RAF1: variants seen among roughly 807,000 people sequenced by gnomAD.
RAF1 encodes the protein RAF proto-oncogene serine/threonine-protein kinase.
RAF1 carries 27 observed loss-of-function variants against 81.1 expected under a neutral mutation model. That is an observed-to-expected ratio of 0.33 (90% confidence interval 0.25 to 0.46). The LOEUF (loss-of-function observed/expected upper bound fraction) is 0.46. Among genes scored for constraint, RAF1 ranks in the 20% least tolerant of loss-of-function variants. The probability of loss-of-function intolerance (pLI) is 1.00; values close to 1 mark genes in which losing one functional copy is unlikely to be tolerated. For synonymous variants in RAF1, 298 were observed against 294.0 expected (o/e 1.01, Z -0.14); for missense variants, 598 against 826.0 (o/e 0.72, Z 3.38).
At chr3:12,608,054 TAAGTG>T (rs2059096404) in intron 5 of RAF1, among the ~76,000 whole-genome samples, 1 of 151,020 alleles carries the variant, frequency 6.6e-6, no homozygotes, top group South Asian at 2.1e-4. Flanking sequence ...AATCAATACG[TAAGTG>T]ACCATGAAAG....
intron 1 of RAF1, among the ~76,000 whole-genome samples, chr3:12,658,932 G>A (rs1166193119): frequency 6.6e-6 from 1 of 152,164 alleles, no homozygotes; most frequent in African/African-American, 2.4e-5. Context: ...CCTTAGTTAA[G>A]CTGAGATTCT....
intron 14 of RAF1, 118 bp downstream of exon 13, chr3:12,587,473 C>T: frequency 2.0e-6 from 2 of 1,006,736 alleles, no homozygotes; most frequent in Non-Finnish European, 3.2e-6. Flanking sequence ...CTGTCCTCTG[C>T]CTCTTTCCTT....
At chr3:12,654,993 T>C (rs904880955) in intron 1 of RAF1, among the ~76,000 whole-genome samples, 1 of 123,610 alleles carries the variant, frequency 8.1e-6, no homozygotes, top group African/African-American at 3.1e-5. Context: ...CTGGTAAACA[T>C]AGTGAGACCC....
chr3:12,629,874 CCA>C (rs1396051140), intron 1 of RAF1, among the ~76,000 whole-genome samples: 1 of 152,190 alleles, frequency 6.6e-6, no homozygotes, highest in African/African-American at 2.4e-5. Context: ...CAGCCTTGAG[CCA>C]CGTTCAAGCA....
At chr3:12,609,597 G>T (rs755444378) in intron 3 of RAF1, among the ~76,000 whole-genome samples, 3 of 152,116 alleles carry the variant, frequency 2.0e-5, no homozygotes, top group Non-Finnish European at 4.4e-5. Flanking sequence ...TAGGTCTGTT[G>T]AACTCCAAAG....
chr3:12,584,333 A>C lies in RAF1; in HGVS notation c.*181T>G. On this transcript the variant is annotated 3_prime_UTR_variant, in exon 18 of 18. Coordinates refer to ENST00000442415, the MANE Select transcript of RAF1 (RefSeq NM_001354689.3). ...GCACTGCAAATGGCTTCCTTCTCCC[A>C]GGGCCCAAAGGGATAGAAAAGAAGG... The C allele has an allele frequency of 1.4e-6, 1 of 715,408 alleles. No homozygotes were observed. Among genetic ancestry groups the C allele is most frequent in the Non-Finnish European group, 2.3e-6 (1 of 431,132 alleles). 44.3% of individuals were successfully genotyped at this position (715,408 alleles called of 1,614,324 possible). A position where few individuals can be genotyped will look rare whatever the true frequency, so the allele number is the denominator to read the frequency against.
At chr3:12,660,205 C>T (rs1231720682) in intron 1 of RAF1, among the ~76,000 whole-genome samples, 1 of 151,984 alleles carries the variant, frequency 6.6e-6, no homozygotes, top group Non-Finnish European at 1.5e-5. Context: ...CTTTTAGATA[C>T]TTTTTGTCAG....
chr3:12,634,651 T>A (rs561449741), intron 1 of RAF1, among the ~76,000 whole-genome samples: 1 of 152,004 alleles, frequency 6.6e-6, no homozygotes, highest in African/African-American at 2.4e-5. Flanking sequence ...CCAACTATCA[T>A]CTACATAATG....
In RAF1 at chr3:12,584,216, T is replaced by A. The variant is rs1385716533; in HGVS notation, c.*298A>T. On this transcript the variant is annotated 3_prime_UTR_variant, in exon 18 of 18. Transcript: ENST00000442415. Reference sequence around the variant, plus strand: ...TAGCCAACAGCTGGGGCTGGGCCCCTGCTTTTTGTACTACCATCAACATCC... The same window carrying A: ...TAGCCAACAGCTGGGGCTGGGCCCCAGCTTTTTGTACTACCATCAACATCC... The A allele has an allele frequency of 4.3e-6, 2 of 465,946 alleles. No homozygotes were observed. The highest frequency in any genetic ancestry group is 3.9e-5 in the African/African-American group (2 of 51,834). 28.9% of individuals were successfully genotyped at this position (465,946 alleles called of 1,614,324 possible).
rs2058799269 is a variant in RAF1, at chr3:12,599,794, C to A, written c.1065G>T (p.Gln355His). The change falls in exon 11 of 18, where the codon CAG (glutamine) becomes CAT (histidine). Residue 355 changes from glutamine to histidine, a missense_variant. Around this residue, in one of 5 missense-constraint regions of RAF1, gnomAD observed 194 missense variants for 202.7 expected, o/e 0.96. Transcript: ENST00000442415. ...TTTCCCAATAATAGCTTGAATCTCT[C>A]TGTCCACGAGGCCTCTGAAACAAGT... The A allele has an allele frequency of 6.2e-7, 1 of 1,613,980 alleles. No homozygotes were observed. Among genetic ancestry groups the A allele is most frequent in the East Asian group, 2.2e-5 (1 of 44,890 alleles).
In RAF1 at chr3:12,583,862, C is replaced by T. The variant is rs1215797321; in HGVS notation, c.*652G>A. 4.3e-6 allele frequency: 1 copy of T among 234,768 alleles called. No homozygotes were observed. The highest frequency in any genetic ancestry group is 6.0e-5 in the East Asian group (1 of 16,608). The allele number at this position is 234,768 out of a possible 1,614,324, so 14.5% of individuals were successfully genotyped here. A position where few individuals can be genotyped will look rare whatever the true frequency, so the allele number is the denominator to read the frequency against. The stretch of plus-strand genomic sequence containing the variant: ...AGACAAAATTCAGCATGATGGAAGA[C>T]TGCTCCCTGAGAGGGCTGAGATGCG... On this transcript the variant is annotated 3_prime_UTR_variant, in exon 18 of 18. Coordinates refer to ENST00000442415, the MANE Select transcript of RAF1 (RefSeq NM_001354689.3).
At chr3:12,654,873 T>A (rs1293439806) in intron 1 of RAF1, among the ~76,000 whole-genome samples, 1 of 150,542 alleles carries the variant, frequency 6.6e-6, no homozygotes, top group African/African-American at 2.4e-5. Flanking sequence ...TACATCTAAG[T>A]AGCAATAAGA....
chr3:12,600,165 T>A lies in RAF1; in HGVS notation c.1037A>T (p.Glu346Val). The A allele has an allele frequency of 1.2e-6, 2 of 1,614,170 alleles. No individual in the cohort carries two copies. The highest frequency in any genetic ancestry group is 8.5e-7 in the Non-Finnish European group (1 of 1,180,020). The change falls in exon 10 of 18, where the codon GAG becomes GTG. Residue 346 changes from glutamate (E) to valine (V), a missense_variant. Coordinates refer to ENST00000442415, the MANE Select transcript of RAF1 (RefSeq NM_001354689.3). ...GTCTATACTCACAATTTTGTTTTTC[T>A]CCTGGGTCCCAGATACTGGTGCCCG... is the stretch of plus-strand genomic sequence containing the variant.
chr3:12,593,361 G>A lies in RAF1; in HGVS notation c.1169-1569C>T, dbSNP rs6779366. 9.5e-3 allele frequency among the ~76,000 whole-genome samples: 1,443 copies of A among 152,106 alleles called. 14 individuals are homozygous for A. Among genetic ancestry groups the A allele is most frequent in the African/African-American group, 9.8e-3 (406 of 41,496 alleles). ...CTCCTGGAGTGCTGGGATTACAAGC[G>A]TAAGCCACCCCACCCAGCCCTCCCC... is the stretch of plus-strand genomic sequence containing the variant. On this transcript the variant is annotated intron_variant, in intron 11 of 17. Coordinates refer to ENST00000442415, the MANE Select transcript of RAF1 (RefSeq NM_001354689.3).
chr3:12,644,255 A>G (rs1323379297), intron 1 of RAF1, among the ~76,000 whole-genome samples: 1 of 152,214 alleles, frequency 6.6e-6, no homozygotes, highest in Non-Finnish European at 1.5e-5. Flanking sequence ...TTGAATCCTA[A>G]TATTTTAAGG....
At chr3:12,622,123 G>A (rs1485336998) in intron 1 of RAF1, among the ~76,000 whole-genome samples, 1 of 152,054 alleles carries the variant, frequency 6.6e-6, no homozygotes, top group Non-Finnish European at 1.5e-5. Context: ...TCTATCCCCA[G>A]GTTACTATGA....
chr3:12,633,854 G>C (rs1205716745), intron 1 of RAF1, among the ~76,000 whole-genome samples: 1 of 147,288 alleles, frequency 6.8e-6, no homozygotes, highest in Non-Finnish European at 1.5e-5. Context: ...AGAATCCCTT[G>C]AACCCAGGAG....
chr3:12,631,668 A>G (rs2059865358), intron 1 of RAF1, among the ~76,000 whole-genome samples: 1 of 152,142 alleles, frequency 6.6e-6, no homozygotes, highest in South Asian at 2.1e-4. Context: ...CACCTAACAC[A>G]GAGTAAACGA....
At chr3:12,591,925 A>ATTT (rs34541887) in intron 11 of RAF1, 133 bp from the exon 11 acceptor site, 385 of 645,248 alleles carry the variant, frequency 6.0e-4, no homozygotes, top group Non-Finnish European at 7.7e-4. Context: ...CAAATTTCCA[A>ATTT]TTTTTTTTTT....
Sources: gnomAD v4.1 joint callset for allele counts (sites outside exome capture counted in the v4.1 genomes callset) on GRCh38, gnomAD v4.1.1 for gene constraint, gnomAD v4.1.1 regional missense constraint, MANE v1.5 for transcripts, NCBI Gene and HGNC (gene_info 2026-07-23, HGNC 2026-07-21) for gene names.